RPS6KA5: variants seen among roughly 807,000 people sequenced by gnomAD.
RPS6KA5 encodes ribosomal protein S6 kinase alpha-5.
Under a neutral mutation model 85.5 loss-of-function variants are expected in RPS6KA5, and 27 were observed. The ratio of observed to expected loss-of-function variants is 0.32; its 90% CI spans 0.23 to 0.44. The LOEUF (loss-of-function observed/expected upper bound fraction) is 0.44, where lower values mean the gene tolerates loss of function less well. RPS6KA5 is among the 20% of genes least tolerant of loss of function. RPS6KA5 has a pLI of 1.00. For synonymous variants in RPS6KA5, 334 were observed against 348.2 expected, an observed-to-expected ratio of 0.96 and a Z score of 0.46; for missense variants, 811 against 980.9, an observed-to-expected ratio of 0.83 and a Z score of 2.31.
At chr14:90,907,038 A>G (rs1485216016) in intron 7 of RPS6KA5, among the ~76,000 whole-genome samples, 1 of 152,228 alleles carries the variant, frequency 6.6e-6, no homozygotes, top group Non-Finnish European at 1.5e-5. Context: ...AATTTATTCT[A>G]AGGATACAGA....
chr14:91,001,953 C>A (rs1168545887), intron 1 of RPS6KA5, among the ~76,000 whole-genome samples: 1 of 152,024 alleles, frequency 6.6e-6, no homozygotes, highest in African/African-American at 2.4e-5. Context: ...TACTGCTGAA[C>A]CTTACAGATC....
chr14:90,850,124 T>G lies in RPS6KA5; in HGVS notation c.*21950A>C, dbSNP rs953688476. On this transcript the variant is annotated 3_prime_UTR_variant, in exon 17 of 17. Coordinates refer to ENST00000614987, the MANE Select transcript of RPS6KA5 (RefSeq NM_004755.4). ...AGTCTGGGAAGGGATCTGTGGGCTT[T>G]CTACAAGGGAGCAAACAACCTCAAT... The G allele has an allele frequency of 1.4e-4, 22 of 152,210 alleles. No individual in the cohort carries two copies. The highest frequency in any genetic ancestry group is 5.3e-4 in the African/African-American group (22 of 41,454). 9.4% of individuals were successfully genotyped at this position (152,210 alleles called of 1,614,324 possible).
At chr14:90,882,335 C>T (rs564040609) in intron 14 of RPS6KA5, among the ~76,000 whole-genome samples, 29 of 152,178 alleles carry the variant, frequency 1.9e-4, no homozygotes, top group Non-Finnish European at 2.8e-4. Context: ...CTGTGTGCCC[C>T]AAAACAAACC....
intron 1 of RPS6KA5, among the ~76,000 whole-genome samples, chr14:91,023,593 T>C (rs1387828405): frequency 6.6e-5 from 10 of 152,152 alleles, no homozygotes; most frequent in Admixed American, 4.6e-4. Flanking sequence ...CCTCAAACTT[T>C]GTTTTATAGC....
At chr14:90,910,007 C>G (rs759864636) in intron 7 of RPS6KA5, among the ~76,000 whole-genome samples, 35 of 152,200 alleles carry the variant, frequency 2.3e-4, no homozygotes, top group Admixed American at 6.5e-4. Flanking sequence ...AACTCCTGAC[C>G]TCAGGTGATC....
At chr14:91,054,767 A>G (rs1340192360) in intron 1 of RPS6KA5, among the ~76,000 whole-genome samples, 1 of 152,052 alleles carries the variant, frequency 6.6e-6, no homozygotes, top group African/African-American at 2.4e-5. Flanking sequence ...CCTGGGCAAC[A>G]TAGCAGGAAC....
At chr14:90,953,766 C>T (rs2038352388) in intron 3 of RPS6KA5, among the ~76,000 whole-genome samples, 1 of 152,158 alleles carries the variant, frequency 6.6e-6, no homozygotes, top group African/African-American at 2.4e-5. Context: ...CTGCAGTACC[C>T]TCAGGCATAC....
intron 5 of RPS6KA5, among the ~76,000 whole-genome samples, chr14:90,938,249 G>A (rs532934675): frequency 1.4e-4 from 22 of 152,322 alleles, no homozygotes; most frequent in Admixed American, 5.9e-4. Context: ...TCCAGGTCAC[G>A]CTGATGCAAG....
At chr14:90,960,994 C>T (rs138786556) in intron 3 of RPS6KA5, among the ~76,000 whole-genome samples, 41 of 152,214 alleles carry the variant, frequency 2.7e-4, no homozygotes, top group African/African-American at 8.4e-4. Flanking sequence ...ACGGAAGTAG[C>T]GTAATAACCA....
intron 5 of RPS6KA5, among the ~76,000 whole-genome samples, chr14:90,928,616 AAAGAT>A (rs1420900422): frequency 1.3e-5 from 2 of 151,832 alleles, no homozygotes; most frequent in African/African-American, 4.8e-5. Context: ...AAGAATTTAA[AAAGAT>A]AATACCATTT....
chr14:90,905,091 T>A (rs946445040), intron 8 of RPS6KA5, among the ~76,000 whole-genome samples: 1 of 152,286 alleles, frequency 6.6e-6, no homozygotes, highest in South Asian at 2.1e-4. Context: ...TTTCTCATTA[T>A]GTTACTGAAC....
At chr14:91,059,358 T>G (rs980390937) in intron 1 of RPS6KA5, among the ~76,000 whole-genome samples, 61 of 122,926 alleles carry the variant, frequency 5.0e-4, no homozygotes, top group African/African-American at 1.8e-3. Context: ...AAAAAAAAAA[T>G]CCCAATATGC....
chr14:90,914,734 AATG>A (rs1372117098), intron 7 of RPS6KA5, among the ~76,000 whole-genome samples: 1 of 152,184 alleles, frequency 6.6e-6, no homozygotes, highest in Non-Finnish European at 1.5e-5. Context: ...GTGCAAAACA[AATG>A]AAGAAAGGAA....
chr14:91,056,518 T>C (rs770442220), intron 1 of RPS6KA5, among the ~76,000 whole-genome samples: 2 of 152,120 alleles, frequency 1.3e-5, no homozygotes, highest in Non-Finnish European at 2.9e-5. Context: ...AGTGGCACAG[T>C]AGTGGGGAAG....
chr14:90,850,229 T>G lies in RPS6KA5; in HGVS notation c.*21845A>C, dbSNP rs748036228. The G allele has an allele frequency of 2.0e-5, 3 of 152,222 alleles. No individual in the cohort carries two copies. The highest frequency in any genetic ancestry group is 2.9e-5 in the Non-Finnish European group (2 of 68,046). The allele number at this position is 152,222 out of a possible 1,614,324, so 9.4% of individuals were successfully genotyped here. On this transcript the variant is annotated 3_prime_UTR_variant, in exon 17 of 17. Transcript: ENST00000614987. ...TACCAGCCATTGACCTGAAATGAAC[T>G]GCTTCAACGTGTTCTGAAGGACCTT...
At chr14:90,919,835 C>T (rs1310458058) in intron 7 of RPS6KA5, among the ~76,000 whole-genome samples, 1 of 152,124 alleles carries the variant, frequency 6.6e-6, no homozygotes, top group Non-Finnish European at 1.5e-5. Flanking sequence ...ATTACTGTTT[C>T]TTCATGTTAA....
chr14:91,050,070 A>G (rs1055636570), intron 1 of RPS6KA5, among the ~76,000 whole-genome samples: 5 of 152,226 alleles, frequency 3.3e-5, no homozygotes, highest in African/African-American at 9.6e-5. Flanking sequence ...GTACTCATAC[A>G]TAACTACAAC....
chr14:90,939,878 G>C (rs1261209893), intron 5 of RPS6KA5, among the ~76,000 whole-genome samples: 2 of 152,074 alleles, frequency 1.3e-5, no homozygotes, highest in African/African-American at 4.8e-5. Context: ...AAAGAAACTT[G>C]TTCCAAAAAA....
intron 1 of RPS6KA5, among the ~76,000 whole-genome samples, chr14:91,016,017 T>C (rs1412299582): frequency 6.6e-6 from 1 of 152,186 alleles, no homozygotes; most frequent in Non-Finnish European, 1.5e-5. Context: ...AGGGGTGCTG[T>C]GGTGGGACTT....
Sources: allele counts gnomAD v4.1 joint callset (sites outside exome capture counted in the v4.1 genomes callset), GRCh38; gene constraint gnomAD v4.1.1; transcripts MANE v1.5; gene names NCBI Gene and HGNC (gene_info 2026-07-23, HGNC 2026-07-21).